The following PRKX variants were observed in gnomAD, a reference collection of about 807,000 sequenced individuals.
PRKX encodes cAMP-dependent protein kinase catalytic subunit PRKX.
PRKX carries 12 observed loss-of-function variants against 22.0 expected under a neutral mutation model. That is an observed-to-expected ratio of 0.54 (90% CI 0.35 to 0.88). The LOEUF is 0.88. Among genes scored for constraint, PRKX ranks in the 40% least tolerant of loss-of-function variants. PRKX has a pLI of 0.01. For synonymous variants in PRKX, 134 were observed against 137.7 expected (o/e 0.97, Z 0.19); for missense variants, 217 against 308.0 (o/e 0.70, Z 2.21).
intron 1 of PRKX, among the ~76,000 whole-genome samples, chrX:3,710,381 A>C (rs1053672196): frequency 1.8e-5 from 2 of 111,476 alleles, no homozygotes; most frequent in African/African-American, 6.5e-5. Context: ...GTCAATCTAG[A>C]ACGCTGACAA....
At chrX:3,706,044 T>C (rs992656924) in intron 1 of PRKX, among the ~76,000 whole-genome samples, 1 of 109,798 alleles carries the variant, frequency 9.1e-6, no homozygotes, top group African/African-American at 3.3e-5. Context: ...CATTACTACC[T>C]TTTTAAGATA....
intron 5 of PRKX, among the ~76,000 whole-genome samples, chrX:3,624,289 C>T (rs184980095): frequency 1.9e-3 from 207 of 111,605 alleles, no homozygotes; most frequent in Non-Finnish European, 3.6e-3. Context: ...AAGAAGTGAA[C>T]TGTCAGTTCA....
intron 2 of PRKX, among the ~76,000 whole-genome samples, chrX:3,665,234 C>G (rs1927700458): frequency 9.0e-6 from 1 of 111,531 alleles, no homozygotes; most frequent in Non-Finnish European, 1.9e-5. Context: ...CAGAAGGATC[C>G]ATACCAGGCT....
In PRKX at chrX:3,605,032, C is replaced by T. The variant is rs1388737175; in HGVS notation, c.*3937G>A. The T allele has an allele frequency of 3.4e-4, 36 of 105,382 alleles. No individual in the cohort carries two copies. The highest frequency in any genetic ancestry group is 1.3e-3 in the African/African-American group (35 of 27,858). 8.7% of individuals were successfully genotyped at this position (105,382 alleles called of 1,213,427 possible). ...ACCAAGACACACACACACACACACA[C>T]ACACACACACACACACACACACACA... On this transcript the variant is annotated 3_prime_UTR_variant, in exon 9 of 9. Transcript: ENST00000262848.
Position 3,626,523 on chromosome X carries a change from A to C in PRKX, c.720-9T>G, listed in dbSNP as rs1300487116. ...CAAAAAACGGAGGAAACCTGTTAGA[A>C]AAACAAACATGTATTTTTAGTGGGG... On this transcript the variant is annotated splice_polypyrimidine_tract_variant and intron_variant, in intron 4 of 8. Transcript: ENST00000262848. The C allele has an allele frequency of 1.4e-5, 17 of 1,181,695 alleles. No individual in the cohort carries two copies. Among genetic ancestry groups the C allele is most frequent in the East Asian group, 3.0e-5 (1 of 33,665 alleles).
chrX:3,634,382 T>C (rs1039511267), intron 4 of PRKX, among the ~76,000 whole-genome samples: 53 of 109,308 alleles, frequency 4.8e-4, no homozygotes, highest in African/African-American at 1.6e-3. Flanking sequence ...GGCACTGGGG[T>C]GTGTGAGGGT....
intron 1 of PRKX, among the ~76,000 whole-genome samples, chrX:3,694,623 A>G (rs1013265006): frequency 9.1e-6 from 1 of 110,273 alleles, no homozygotes; most frequent in African/African-American, 3.3e-5. Context: ...TGTGGTCCCC[A>G]CAAAGATATA....
intron 1 of PRKX, among the ~76,000 whole-genome samples, chrX:3,692,476 C>T (rs1210180993): frequency 9.1e-6 from 1 of 109,824 alleles, no homozygotes; most frequent in African/African-American, 3.3e-5. Flanking sequence ...CACAAGCTCA[C>T]AAGTGGCTAC....
chrX:3,660,849 G>A (rs775291339), intron 2 of PRKX, among the ~76,000 whole-genome samples: 1 of 110,740 alleles, frequency 9.0e-6, no homozygotes, highest in Non-Finnish European at 1.9e-5. Context: ...TAGAGGAAGA[G>A]AGTTAGGGCT....
intron 4 of PRKX, among the ~76,000 whole-genome samples, chrX:3,638,530 T>C (rs1473792713): frequency 8.9e-6 from 1 of 111,775 alleles, no homozygotes; most frequent in Non-Finnish European, 1.9e-5. Flanking sequence ...CGCTGATCAA[T>C]ATGCCTAAGT....
chrX:3,666,728 C>T (rs770422391), intron 2 of PRKX, among the ~76,000 whole-genome samples: 2 of 109,742 alleles, frequency 1.8e-5, no homozygotes, highest in Non-Finnish European at 3.8e-5. Context: ...TGCAACACAG[C>T]GAGACCCTGT....
rs187232813 is a variant in PRKX at position 3,617,713 on chromosome X, C to T, written c.874-1821G>A. ...TACAGTCATGAGCCTCAAAATGATG[C>T]TTCAGTCAACAATGGATGACATATA... On this transcript the variant is annotated intron_variant, in intron 6 of 8. Transcript: ENST00000262848. Among the ~76,000 whole-genome samples the T allele has an allele frequency of 1.3e-3, 139 of 110,403 alleles. 1 individual carries two copies. Among genetic ancestry groups the T allele is most frequent in the African/African-American group, 4.3e-3 (131 of 30,433 alleles).
At chrX:3,615,403 C>T (rs6567572) in intron 7 of PRKX, among the ~76,000 whole-genome samples, 55,355 of 110,271 alleles carry the variant, frequency 0.5, 10,439 homozygotes, top group African/African-American at 0.67. Flanking sequence ...CATCACTGAA[C>T]GATGACCATG....
At chrX:3,711,674 G>A (rs998396712) in intron 1 of PRKX, among the ~76,000 whole-genome samples, 2 of 111,278 alleles carry the variant, frequency 1.8e-5, no homozygotes, top group East Asian at 2.8e-4. Flanking sequence ...CCCTTCTTCC[G>A]CGCAAAACAC....
intron 4 of PRKX, among the ~76,000 whole-genome samples, chrX:3,634,888 G>A (rs1397350541): frequency 9.0e-6 from 1 of 111,054 alleles, no homozygotes; most frequent in Non-Finnish European, 1.9e-5. Context: ...ATTTTTTGTA[G>A]AAATGGGGTC....
At chrX:3,712,902 G>A (rs373869253) in intron 1 of PRKX, among the ~76,000 whole-genome samples, 186 bp downstream of exon 1, 87 of 112,773 alleles carry the variant, frequency 7.7e-4, no homozygotes, top group African/African-American at 2.7e-3. Flanking sequence ...GGGCTGGGGG[G>A]CTGGGGAGTG....
chrX:3,676,248 A>G (rs1927952292), intron 1 of PRKX, among the ~76,000 whole-genome samples: 1 of 112,248 alleles, frequency 8.9e-6, no homozygotes, highest in Admixed American at 9.5e-5. Context: ...GGCTTCTCAG[A>G]AACTGACATT....
chrX:3,628,041 A>G (rs1435773796), intron 4 of PRKX, among the ~76,000 whole-genome samples: 1 of 111,710 alleles, frequency 9.0e-6, no homozygotes, highest in Non-Finnish European at 1.9e-5. Flanking sequence ...GGTGGTATCT[A>G]CACACAGTAG....
At chrX:3,690,172 G>A (rs976484705) in intron 1 of PRKX, among the ~76,000 whole-genome samples, 3 of 111,530 alleles carry the variant, frequency 2.7e-5, no homozygotes, top group African/African-American at 9.8e-5. Context: ...GCTATAACCA[G>A]TGGGTGGGGG....
Sources: gnomAD v4.1 joint callset for allele counts (sites outside exome capture counted in the v4.1 genomes callset) on GRCh38, gnomAD v4.1.1 for gene constraint, MANE v1.5 for transcripts, NCBI Gene and HGNC (gene_info 2026-07-23, HGNC 2026-07-21) for gene names.